Variants in KCNB2 observed in about 807,000 individuals in gnomAD.
KCNB2 encodes the protein potassium voltage-gated channel subfamily B member 2.
Under a neutral mutation model 61.5 loss-of-function variants are expected in KCNB2, and 15 were observed. That is an observed-to-expected ratio of 0.24 (90% CI 0.16 to 0.38). The LOEUF (loss-of-function observed/expected upper bound fraction) is 0.38, where lower values mean the gene tolerates loss of function less well. KCNB2 is among the 10% of genes least tolerant of loss of function. The pLI, the probability that KCNB2 is intolerant of heterozygous loss-of-function variation, is 1.00. For synonymous variants in KCNB2, 457 were observed against 446.0 expected, an observed-to-expected ratio of 1.02 and a Z score of -0.31; for missense variants, 828 against 1,125.2, an observed-to-expected ratio of 0.74 and a Z score of 3.78.
chr8:72,546,449 G>A (rs959221148), intron 1 of KCNB2, among the ~76,000 whole-genome samples: 18 of 151,872 alleles, frequency 1.2e-4, no homozygotes, highest in African/African-American at 4.4e-4. Flanking sequence ...CCTGAGAGGT[G>A]GAGGTTGCAG....
chr8:72,757,156 CTG>C (rs780444156), intron 2 of KCNB2, among the ~76,000 whole-genome samples: 14 of 151,922 alleles, frequency 9.2e-5, no homozygotes, highest in African/African-American at 3.4e-4. Context: ...GCCAAGCAGA[CTG>C]ATAAAAAGAG....
intron 2 of KCNB2, among the ~76,000 whole-genome samples, chr8:72,729,751 C>T (rs1266383998): frequency 6.6e-6 from 1 of 151,942 alleles, no homozygotes; most frequent in Non-Finnish European, 1.5e-5. Flanking sequence ...GGTGTGGTGG[C>T]ACATGTTTGT....
intron 2 of KCNB2, among the ~76,000 whole-genome samples, chr8:72,832,431 G>A (rs1048701982): frequency 3.9e-5 from 6 of 152,176 alleles, no homozygotes; most frequent in African/African-American, 1.4e-4. Flanking sequence ...CTAGTTCAAG[G>A]TAATAATGAG....
At chr8:72,556,406 A>T (rs751084180) in intron 1 of KCNB2, among the ~76,000 whole-genome samples, 1 of 152,098 alleles carries the variant, frequency 6.6e-6, no homozygotes. Flanking sequence ...GAGGGAAAGA[A>T]TATTTATAAA....
At chr8:72,612,198 CCTGA>C (rs1318115696) in intron 2 of KCNB2, among the ~76,000 whole-genome samples, 1 of 152,058 alleles carries the variant, frequency 6.6e-6, no homozygotes, top group African/African-American at 2.4e-5. Context: ...ACATCATAAG[CCTGA>C]CTATTGCCCC....
intron 2 of KCNB2, among the ~76,000 whole-genome samples, chr8:72,715,989 G>T (rs571550614): frequency 2.4e-3 from 369 of 152,224 alleles, no homozygotes; most frequent in African/African-American, 8.6e-3. Context: ...TATCACCACC[G>T]ATCCCACAGA....
intron 2 of KCNB2, among the ~76,000 whole-genome samples, chr8:72,916,609 CT>C (rs1227251332): frequency 6.6e-6 from 1 of 152,162 alleles, no homozygotes. Flanking sequence ...GCGTGACAGC[CT>C]TTTGCATCTG....
At chr8:72,610,610 C>T (rs1286180317) in intron 2 of KCNB2, among the ~76,000 whole-genome samples, 1 of 152,054 alleles carries the variant, frequency 6.6e-6, no homozygotes, top group African/African-American at 2.4e-5. Flanking sequence ...AAGGCACTGT[C>T]CTAAATACTT....
At chr8:72,935,902 G>A in intron 2 of KCNB2, 33 bp from the exon 3 acceptor site, 1 of 1,520,460 alleles carries the variant, frequency 6.6e-7, no homozygotes, top group South Asian at 1.2e-5. Flanking sequence ...GCAACTAAGA[G>A]GATTTGCTGA....
chr8:72,929,914 A>G (rs1806742343), intron 2 of KCNB2, among the ~76,000 whole-genome samples: 1 of 150,860 alleles, frequency 6.6e-6, no homozygotes, highest in African/African-American at 2.4e-5. Flanking sequence ...CTCGTCATTT[A>G]CATTAGGTAT....
At chr8:72,935,862 C>A in intron 2 of KCNB2, 73 bp from the exon 3 acceptor site, 1 of 1,008,066 alleles carries the variant, frequency 9.9e-7, no homozygotes, top group Non-Finnish European at 1.5e-6. Context: ...GTTAAACAAT[C>A]ACCGACCCAT....
chr8:72,796,642 C>T (rs1178277821), intron 2 of KCNB2, among the ~76,000 whole-genome samples: 1 of 152,048 alleles, frequency 6.6e-6, no homozygotes, highest in Non-Finnish European at 1.5e-5. Flanking sequence ...CCTATCCAAT[C>T]AAATCAGAGT....
At chr8:72,546,282 G>A (rs10090857) in intron 1 of KCNB2, among the ~76,000 whole-genome samples, 20,341 of 152,064 alleles carry the variant, frequency 0.13, 1,723 homozygotes, top group East Asian at 0.46. Context: ...TTGGGAGGCC[G>A]AGGCAGGTGG....
At chr8:72,904,647 G>A (rs904098562) in intron 2 of KCNB2, among the ~76,000 whole-genome samples, 4 of 151,940 alleles carry the variant, frequency 2.6e-5, no homozygotes, top group Admixed American at 2.6e-4. Flanking sequence ...GTGTTTAAAT[G>A]TTTTTTTATT....
intron 2 of KCNB2, among the ~76,000 whole-genome samples, chr8:72,788,046 A>G (rs1327446314): frequency 1.3e-5 from 2 of 152,158 alleles, no homozygotes; most frequent in African/African-American, 4.8e-5. Context: ...TAATATATCT[A>G]CTTCTTAAGT....
intron 2 of KCNB2, among the ~76,000 whole-genome samples, chr8:72,710,097 T>C (rs943864224): frequency 3.3e-5 from 5 of 152,068 alleles, no homozygotes; most frequent in Admixed American, 2.0e-4. Context: ...CATCAAGACA[T>C]CGTTATCCTG....
At chr8:72,692,627 TAA>T (rs1352803416) in intron 2 of KCNB2, among the ~76,000 whole-genome samples, 8 of 152,132 alleles carry the variant, frequency 5.3e-5, no homozygotes, top group Non-Finnish European at 1.2e-4. Flanking sequence ...TCCCCACAAA[TAA>T]AGTCATTCCA....
rs374898430 is a variant in KCNB2, at chr8:72,625,238, C to T, written c.579+56925C>T. ...ACTAATACAAACACCCTCAGTATTC[C>T]AGACACATTTTGAGGAATTAGAAAT... is the stretch of plus-strand genomic sequence containing the variant. On this transcript the variant is annotated intron_variant, in intron 2 of 2. Transcript: ENST00000523207. 2.3e-3 allele frequency among the ~76,000 whole-genome samples: 345 copies of T among 152,262 alleles called. 1 individual carries two copies. The highest frequency in any genetic ancestry group is 6.8e-3 in the Middle Eastern group (2 of 294).
intron 2 of KCNB2, among the ~76,000 whole-genome samples, chr8:72,763,723 T>G (rs969961761): frequency 2.0e-5 from 3 of 152,234 alleles, no homozygotes; most frequent in African/African-American, 7.2e-5. Flanking sequence ...GTTGAATCAC[T>G]GAAGTCCTGT....
Sources: allele counts gnomAD v4.1 joint callset (sites outside exome capture counted in the v4.1 genomes callset), GRCh38; gene constraint gnomAD v4.1.1; transcripts MANE v1.5; gene names NCBI Gene and HGNC (gene_info 2026-07-23, HGNC 2026-07-21).